The following ABCC8 variants were observed in gnomAD, a reference collection of about 807,000 sequenced individuals.
ABCC8 encodes ATP-binding cassette sub-family C member 8.
In ABCC8, 137 loss-of-function variants were observed where a neutral mutation model predicts 188.0. The observed-to-expected ratio is 0.73, with a 90% confidence interval of 0.63 to 0.84. ABCC8 has a LOEUF of 0.84. ABCC8 is among the 40% of genes least tolerant of loss of function. ABCC8 has a pLI of 0.00. For synonymous variants in ABCC8, 797 were observed against 846.5 expected (o/e 0.94, Z 1.01); for missense variants, 1,750 against 2,072.7 (o/e 0.84, Z 3.02).
chr11:17,455,567 T>C (rs1379222018), intron 6 of ABCC8, among the ~76,000 whole-genome samples: 5 of 152,152 alleles, frequency 3.3e-5, no homozygotes, highest in Non-Finnish European at 5.9e-5. Context: ...CTATAAGTCA[T>C]TGGGTCATTA....
At chr11:17,441,424 C>T (rs1462662389) in intron 10 of ABCC8, among the ~76,000 whole-genome samples, 1 of 152,220 alleles carries the variant, frequency 6.6e-6, no homozygotes, top group African/African-American at 2.4e-5. Context: ...GTAATCCCCA[C>T]TCATCTGTCT....
intron 16 of ABCC8, among the ~76,000 whole-genome samples, chr11:17,421,381 G>A (rs764379710): frequency 2.0e-5 from 3 of 152,194 alleles, no homozygotes; most frequent in Non-Finnish European, 2.9e-5. Flanking sequence ...TCGGACAAAG[G>A]CATGTGGAAA....
chr11:17,398,940 C>G (rs574181731), intron 29 of ABCC8: 1 of 194,568 alleles, frequency 5.1e-6, no homozygotes, highest in Non-Finnish European at 1.1e-5. Context: ...CTATCTAAAT[C>G]GCAAACTGTG....
intron 16 of ABCC8, among the ~76,000 whole-genome samples, chr11:17,425,340 T>C (rs906397572): frequency 2.8e-4 from 42 of 152,320 alleles, no homozygotes; most frequent in African/African-American, 9.4e-4. Context: ...ATCTTGGAAA[T>C]GCAGGAAACG....
chr11:17,413,407 T>C lies in ABCC8; in HGVS notation c.2462A>G (p.Gln821Arg), dbSNP rs768431689. Residue 821 changes from glutamine to arginine, a missense_variant, in exon 20 of 39, where the codon CAG becomes CGG. Gln to Arg is a conservative substitution (Grantham distance 43). Transcript: ENST00000389817. ...GCTGCTACTAACCCGTTCCCCAATC[T>C]GGGTCTGGTCTCCATGGGGCAGGAT... ...IDILPHGDQTQIGERGINLSG... is the reference protein window; with the variant it reads ...IDILPHGDQTRIGERGINLSG... 2.5e-6 allele frequency: 4 copies of C among 1,614,184 alleles called. No individual in the cohort carries two copies. In the Admixed American group the frequency reaches 6.7e-5, roughly 27 times the overall value.
chr11:17,468,343 G>A (rs1410469847), intron 3 of ABCC8, among the ~76,000 whole-genome samples: 1 of 152,214 alleles, frequency 6.6e-6, no homozygotes, highest in African/African-American at 2.4e-5. Context: ...AAATCAGTCT[G>A]ACTTAAGGAC....
In ABCC8 at chr11:17,430,873, C is replaced by T. The variant is rs1955815275; in HGVS notation, c.1758G>A (p.Leu586=). ...AFASLSLFHI[L]VTPLFLLSSV... ...TGGACAGCAGGAACAGCGGTGTGAC[C>T]AAGATATGGAAGAGGGAGAGGGAGG... is the stretch of plus-strand genomic sequence containing the variant. The change falls in exon 12 of 39, where the codon TTG becomes TTA. Residue 586 remains leucine, a synonymous_variant. Transcript: ENST00000389817. The T allele has an allele frequency of 1.2e-6, 2 of 1,614,074 alleles. No homozygotes were observed. Among genetic ancestry groups the T allele is most frequent in the Non-Finnish European group, 1.7e-6 (2 of 1,180,048 alleles).
At chr11:17,475,917 C>A in intron 1 of ABCC8, among the ~76,000 whole-genome samples, 1 of 152,236 alleles carries the variant, frequency 6.6e-6, no homozygotes, top group East Asian at 1.9e-4. Flanking sequence ...TGGAGAGGCA[C>A]GCACGATTGT....
Position 17,431,119 on chromosome 11 carries a change from C to T in ABCC8, c.1672-160G>A, listed in dbSNP as rs919965718. On this transcript the variant is annotated intron_variant, in intron 11 of 38. Coordinates refer to ENST00000389817, the MANE Select transcript of ABCC8 (RefSeq NM_000352.6). ...ACACCTTCATCATCCCCACAGTCAT[C>T]TCATGGAAACGTCCCCAACAAGTTC... 6 of 1,201,478 alleles carry T rather than the reference C, an allele frequency of 5.0e-6. No homozygotes were observed. The African/African-American group carries it at 9.2e-5, about 18-fold the overall frequency. 74.4% of individuals were successfully genotyped at this position (1,201,478 alleles called of 1,614,324 possible).
chr11:17,397,583 A>G (rs1403627031), intron 31 of ABCC8, 101 bp downstream of exon 31: 66 of 1,486,392 alleles, frequency 4.4e-5, no homozygotes, highest in Non-Finnish European at 5.5e-5. Context: ...TGCAAATGAA[A>G]TTGGGGTAAG....
At chr11:17,396,103 G>T in intron 33 of ABCC8, 173 bp from the exon 34 acceptor site, 2 of 1,431,938 alleles carry the variant, frequency 1.4e-6, no homozygotes, top group Non-Finnish European at 9.3e-7. Flanking sequence ...TTCCTGCAGT[G>T]GGTCCAGAGA....
chr11:17,416,797 C>T (rs991888596), intron 17 of ABCC8, 133 bp downstream of exon 17: 16 of 1,374,192 alleles, frequency 1.2e-5, no homozygotes, highest in Admixed American at 5.7e-5. Context: ...GGCCTTAGCC[C>T]CATGTCTCTG....
chr11:17,459,426 A>T (rs921830610), intron 6 of ABCC8, among the ~76,000 whole-genome samples: 2 of 152,190 alleles, frequency 1.3e-5, no homozygotes, highest in African/African-American at 4.8e-5. Flanking sequence ...ATCAGACTCA[A>T]CGTATCTCAT....
intron 10 of ABCC8, among the ~76,000 whole-genome samples, chr11:17,433,493 A>G (rs1342732734): frequency 1.3e-5 from 2 of 152,218 alleles, no homozygotes; most frequent in African/African-American, 4.8e-5. Context: ...CAGTACATAC[A>G]AAGCATTGTA....
At chr11:17,409,920 C>G (rs537979271) in intron 22 of ABCC8, among the ~76,000 whole-genome samples, 1 of 152,210 alleles carries the variant, frequency 6.6e-6, no homozygotes. Flanking sequence ...AAGGCTCTGT[C>G]GCCCAGGCTG....
intron 38 of ABCC8, 119 bp from the exon 39 acceptor site, chr11:17,393,247 G>T: frequency 1.4e-6 from 2 of 1,394,184 alleles, no homozygotes; most frequent in Non-Finnish European, 9.9e-7. Flanking sequence ...TGGCCAGAAT[G>T]TCCTGTCACT....
intron 2 of ABCC8, among the ~76,000 whole-genome samples, chr11:17,474,139 C>T (rs1278555239): frequency 6.6e-6 from 1 of 152,208 alleles, no homozygotes; most frequent in Non-Finnish European, 1.5e-5. Flanking sequence ...CCAATTCTGC[C>T]TTCCTCTCAC....
chr11:17,400,605 G>A (rs1337380226), intron 29 of ABCC8, among the ~76,000 whole-genome samples: 1 of 152,180 alleles, frequency 6.6e-6, no homozygotes, highest in African/African-American at 2.4e-5. Flanking sequence ...CAACCTCCGA[G>A]CCCGCCACTG....
chr11:17,428,264 C>T, intron 14 of ABCC8, 25 bp downstream of exon 14: 1 of 1,613,946 alleles, frequency 6.2e-7, no homozygotes, highest in Non-Finnish European at 8.5e-7. Context: ...TGCTGGGTGG[C>T]CAGGCATGGG....
Sources: gnomAD v4.1 joint callset for allele counts (sites outside exome capture counted in the v4.1 genomes callset) on GRCh38, gnomAD v4.1.1 for gene constraint, MANE v1.5 for transcripts, NCBI Gene and HGNC (gene_info 2026-07-23, HGNC 2026-07-21) for gene names.